EWSR1: variants seen among roughly 807,000 people sequenced by gnomAD.
EWSR1 encodes EWS RNA binding protein 1.
EWSR1 carries 14 observed loss-of-function variants against 92.1 expected under a neutral mutation model. The observed-to-expected ratio is 0.15, with a 90% CI of 0.10 to 0.24. The LOEUF (loss-of-function observed/expected upper bound fraction) is 0.24, where lower values mean the gene tolerates loss of function less well. Among genes scored for constraint, EWSR1 ranks in the 10% least tolerant of loss-of-function variants. The pLI, the probability that EWSR1 is intolerant of heterozygous loss-of-function variation, is 1.00. For synonymous variants in EWSR1, 303 were observed against 292.9 expected, an observed-to-expected ratio of 1.03 and a Z score of -0.35; for missense variants, 637 against 870.9, an observed-to-expected ratio of 0.73 and a Z score of 3.38.
intron 5 of EWSR1, among the ~76,000 whole-genome samples, chr22:29,280,843 TTG>T (rs929216836): frequency 4.8e-5 from 7 of 144,342 alleles, no homozygotes; most frequent in East Asian, 2.0e-4. Flanking sequence ...CCAGCTAATT[TTG>T]TGTGTGTGTG....
intron 8 of EWSR1, chr22:29,291,354 C>G: frequency 2.0e-6 from 1 of 488,430 alleles, no homozygotes; most frequent in Non-Finnish European, 3.6e-6. Context: ...ACCAACCACA[C>G]TGGTGTGTAC....
intron 4 of EWSR1, among the ~76,000 whole-genome samples, chr22:29,275,186 A>G (rs1217456543): frequency 6.6e-6 from 1 of 152,232 alleles, no homozygotes; most frequent in African/African-American, 2.4e-5. Context: ...TTTTTAGCAT[A>G]GAATTTTGAA....
At chr22:29,269,382 GGGA>G (rs1569035200) in intron 1 of EWSR1, 1 of 152,248 alleles carries the variant, frequency 6.6e-6, no homozygotes, top group Non-Finnish European at 1.5e-5. Flanking sequence ...ACTCCAAAAT[GGGA>G]GTAGAGTGGT....
At chr22:29,272,552 G>T (rs1569045244) in intron 3 of EWSR1, 121 bp downstream of exon 3, 1 of 1,047,790 alleles carries the variant, frequency 9.5e-7, no homozygotes, top group Non-Finnish European at 1.4e-6. Flanking sequence ...AAAATACCCA[G>T]GCATTTTAAA....
intron 12 of EWSR1, among the ~76,000 whole-genome samples, chr22:29,297,196 G>C (rs1433070327): frequency 6.6e-6 from 1 of 152,142 alleles, no homozygotes; most frequent in Non-Finnish European, 1.5e-5. Context: ...ACCCAGGCTG[G>C]AGTGCAGTGA....
chr22:29,282,064 G>GGATCACCTA (rs1461652411), intron 5 of EWSR1, among the ~76,000 whole-genome samples: 2 of 152,074 alleles, frequency 1.3e-5, no homozygotes, highest in Non-Finnish European at 2.9e-5. Flanking sequence ...CACTTCTCCC[G>GGATCACCTA]GATCACCTAA....
In EWSR1 at chr22:29,292,156, A is replaced by G; in HGVS notation, c.1032A>G (p.Pro344=). The G allele has an allele frequency of 6.2e-7, 1 of 1,614,060 alleles. No homozygotes were observed. Among genetic ancestry groups the G allele is most frequent in the Non-Finnish European group, 8.5e-7 (1 of 1,179,898 alleles). Reference sequence around the variant, plus strand: ...TGGCAGGACCCATGGATGAAGGACCAGATCTTGATCTAGGTAATTTTGAAT... The same window carrying G: ...TGGCAGGACCCATGGATGAAGGACCGGATCTTGATCTAGGTAATTTTGAAT... ...NKPGGPMDEG[P]DLDLGPPVDP... Residue 344 remains proline (P), a synonymous_variant, in exon 10 of 17, where the codon CCA becomes CCG. Coordinates refer to ENST00000397938, the MANE Select transcript of EWSR1 (RefSeq NM_005243.4).
chr22:29,268,802 A>C lies in EWSR1; in HGVS notation c.13+453A>C, dbSNP rs1161174895. The stretch of plus-strand genomic sequence containing the variant: ...CGTTTTCAGGGTTTCCTGAGAAACC[A>C]GGGGAAAAAGCAAATAAAGATACCG... On this transcript the variant is annotated intron_variant, in intron 1 of 16. Transcript: ENST00000397938. 3.9e-5 allele frequency among the ~76,000 whole-genome samples: 6 copies of C among 152,344 alleles called. No individual in the cohort carries two copies. In the East Asian group the frequency reaches 1.2e-3, roughly 29 times the overall value.
intron 8 of EWSR1, chr22:29,290,717 A>G (rs2060378281): frequency 7.9e-7 from 1 of 1,269,658 alleles, no homozygotes; most frequent in African/African-American, 1.5e-5. Context: ...GTACTTTTAA[A>G]AAGGAAACAA....
At chr22:29,272,338 G>T (rs766632221) in intron 2 of EWSR1, 42 bp from the exon 3 acceptor site, 1 of 1,612,862 alleles carries the variant, frequency 6.2e-7, no homozygotes, top group African/African-American at 1.3e-5. Flanking sequence ...GGTGGTATTT[G>T]AATGTTCTCT....
Position 29,300,265 on chromosome 22 carries a change from A to ATGATTATTC in EWSR1, c.*105_*113dup, listed in dbSNP as rs914164941. The ATGATTATTC allele has an allele frequency of 9.0e-7, 1 of 1,105,640 alleles. No individual in the cohort carries two copies. Among genetic ancestry groups the ATGATTATTC allele is most frequent in the African/African-American group, 1.6e-5 (1 of 63,094 alleles). 68.5% of individuals were successfully genotyped at this position (1,105,640 alleles called of 1,614,324 possible). The stretch of plus-strand genomic sequence containing the variant: ...TATTTATAATGTTGGCCACAACATT[A>ATGATTATTC]TGATTATTCCTTGTCTGTACTTTAG... On this transcript the variant is annotated 3_prime_UTR_variant, in exon 17 of 17. Transcript: ENST00000397938.
In EWSR1 at chr22:29,300,478, G is replaced by GT. The variant is rs76631619; in HGVS notation, c.*333dup. 0.051 allele frequency: 9,479 copies of GT among 184,842 alleles called. 5 individuals are homozygous for GT. Among genetic ancestry groups the GT allele is most frequent in the East Asian group, 0.12 (1,300 of 11,166 alleles). The allele number at this position is 184,842 out of a possible 1,614,324, so 11.5% of individuals were successfully genotyped here. A position where few individuals can be genotyped will look rare whatever the true frequency, so the allele number is the denominator to read the frequency against. ...CTGTAACAATGTTCATGGTTGTGAT[G>GT]TTTTTTTTTTTTTTTTAAATAAAAT... is the stretch of plus-strand genomic sequence containing the variant. On this transcript the variant is annotated 3_prime_UTR_variant, in exon 17 of 17. Transcript: ENST00000397938.
chr22:29,291,496 C>T (rs541212333), intron 8 of EWSR1, 66 bp from the exon 9 acceptor site: 16 of 1,530,228 alleles, frequency 1.0e-5, no homozygotes, highest in African/African-American at 2.8e-5. Flanking sequence ...CACGAGCCCC[C>T]CCAAGGCTCA....
intron 8 of EWSR1, chr22:29,289,930 CTA>C (rs938903225): frequency 1.9e-5 from 4 of 211,274 alleles, no homozygotes; most frequent in African/African-American, 8.3e-5. Context: ...GGAAAATACT[CTA>C]TTATAAAGGT....
At chr22:29,271,242 C>T (rs1176048731) in intron 1 of EWSR1, among the ~76,000 whole-genome samples, 1 of 152,038 alleles carries the variant, frequency 6.6e-6, no homozygotes, top group African/African-American at 2.4e-5. Flanking sequence ...AAGAATTGGG[C>T]AGAATTTTCA....
chr22:29,281,174 C>T (rs182502672), intron 5 of EWSR1, among the ~76,000 whole-genome samples: 135 of 151,644 alleles, frequency 8.9e-4, no homozygotes, highest in African/African-American at 2.6e-3. Context: ...CCACCGCTAC[C>T]AGCCAATTTT....
intron 11 of EWSR1, among the ~76,000 whole-genome samples, chr22:29,293,605 A>G (rs2060613535): frequency 6.6e-6 from 1 of 152,144 alleles, no homozygotes; most frequent in Non-Finnish European, 1.5e-5. Flanking sequence ...TTGCTGTGTC[A>G]CCAGGCTGGA....
intron 1 of EWSR1, chr22:29,269,496 T>C (rs549498208): frequency 6.6e-6 from 1 of 152,306 alleles, no homozygotes; most frequent in East Asian, 1.9e-4. Context: ...TGGAGCATTT[T>C]TGCCCCGGGG....
At chr22:29,297,287 G>A (rs542084751) in intron 12 of EWSR1, among the ~76,000 whole-genome samples, 2 of 152,262 alleles carry the variant, frequency 1.3e-5, no homozygotes, top group South Asian at 4.1e-4. Context: ...AGTAGCTGCT[G>A]GACTACAGGC....
Sources: gnomAD v4.1 joint callset for allele counts (sites outside exome capture counted in the v4.1 genomes callset) on GRCh38, gnomAD v4.1.1 for gene constraint, MANE v1.5 for transcripts, NCBI Gene and HGNC (gene_info 2026-07-23, HGNC 2026-07-21) for gene names.